Variants in NEBL observed in about 807,000 individuals in gnomAD.
NEBL encodes the protein LIM and SH3 protein 2.
NEBL carries 122 observed loss-of-function variants against 140.2 expected under a neutral mutation model. That is an observed-to-expected ratio of 0.87 (90% CI 0.75 to 1.01). The LOEUF (loss-of-function observed/expected upper bound fraction) is 1.01. Among genes scored for constraint, NEBL ranks in the 50% least tolerant of loss-of-function variants. NEBL has a pLI of 0.00. For synonymous variants in NEBL, 436 were observed against 398.9 expected (o/e 1.09, Z -1.11); for missense variants, 1,365 against 1,231.3 (o/e 1.11, Z -1.62).
intron 3 of NEBL, among the ~76,000 whole-genome samples, chr10:21,229,431 G>T (rs1401720321): frequency 2.0e-5 from 3 of 152,018 alleles, no homozygotes; most frequent in Non-Finnish European, 2.9e-5. Flanking sequence ...AGAAAAAAGT[G>T]GGGGAGGGAA....
At chr10:20,873,201 G>C (rs1845154263) in intron 5 of NEBL, among the ~76,000 whole-genome samples, 1 of 152,194 alleles carries the variant, frequency 6.6e-6, no homozygotes, top group South Asian at 2.1e-4. Flanking sequence ...AGTTCAAAGT[G>C]TGTGTATACA....
chr10:20,863,576 A>G (rs1017332708), intron 7 of NEBL, among the ~76,000 whole-genome samples: 6 of 152,130 alleles, frequency 3.9e-5, no homozygotes, highest in African/African-American at 1.2e-4. Flanking sequence ...ACACAACACA[A>G]TATCTCTGCT....
intron 3 of NEBL, among the ~76,000 whole-genome samples, chr10:21,187,616 C>T (rs1196037135): frequency 2.0e-5 from 3 of 152,008 alleles, no homozygotes; most frequent in South Asian, 4.2e-4. Flanking sequence ...CAGGCTCAAG[C>T]GATTCTCCCA....
At chr10:21,135,017 C>A (rs887653679) in intron 2 of NEBL, among the ~76,000 whole-genome samples, 1 of 152,202 alleles carries the variant, frequency 6.6e-6, no homozygotes, top group Non-Finnish European at 1.5e-5. Context: ...ACCCGCTCCA[C>A]CCTCCATCGA....
intron 2 of NEBL, among the ~76,000 whole-genome samples, chr10:21,088,502 C>T (rs1348278722): frequency 2.0e-5 from 3 of 152,156 alleles, no homozygotes; most frequent in Non-Finnish European, 4.4e-5. Context: ...CAAAACAAAA[C>T]CTTCTGCCCA....
chr10:21,045,793 A>C (rs2131841236), intron 2 of NEBL, among the ~76,000 whole-genome samples: 1 of 152,354 alleles, frequency 6.6e-6, no homozygotes, highest in African/African-American at 2.4e-5. Flanking sequence ...CATTATGGAA[A>C]ACAGCATGGA....
intron 1 of NEBL, among the ~76,000 whole-genome samples, chr10:21,257,713 A>G (rs1048901850): frequency 1.3e-5 from 2 of 152,026 alleles, no homozygotes; most frequent in Non-Finnish European, 2.9e-5. Flanking sequence ...GTGAAACCCC[A>G]TCTCTACTAA....
chr10:20,912,901 T>TTTA (rs1728285257), intron 4 of NEBL, among the ~76,000 whole-genome samples: 1 of 150,184 alleles, frequency 6.7e-6, no homozygotes, highest in Admixed American at 6.6e-5. Context: ...TTTTTTTTTT[T>TTTA]AGACAGAGTC....
intron 3 of NEBL, among the ~76,000 whole-genome samples, chr10:21,216,045 G>T (rs968119007): frequency 6.6e-6 from 1 of 152,098 alleles, no homozygotes; most frequent in African/African-American, 2.4e-5. Flanking sequence ...TCCTAAGACA[G>T]GTTCACATCA....
intron 26 of NEBL, among the ~76,000 whole-genome samples, chr10:20,801,944 A>G (rs1440652817): frequency 6.6e-6 from 1 of 152,168 alleles, no homozygotes; most frequent in African/African-American, 2.4e-5. Context: ...AGACTCTCTC[A>G]CAGCAAAATG....
chr10:20,843,124 G>A (rs775093634), intron 12 of NEBL, among the ~76,000 whole-genome samples: 4 of 152,070 alleles, frequency 2.6e-5, no homozygotes, highest in Admixed American at 2.6e-4. Flanking sequence ...GGGATTGTGA[G>A]AGTGGGACTC....
intron 3 of NEBL, among the ~76,000 whole-genome samples, chr10:21,209,111 T>A (rs932543833): frequency 1.3e-5 from 2 of 152,202 alleles, no homozygotes; most frequent in Non-Finnish European, 2.9e-5. Flanking sequence ...AGTTGCAAGA[T>A]GGTGCCAGGT....
At chr10:20,997,470 GTAAAAAAAAAAAAAAAAAA>G (rs1837713334) in intron 3 of NEBL, among the ~76,000 whole-genome samples, 1 of 27,452 alleles carries the variant, frequency 3.6e-5, no homozygotes, top group African/African-American at 1.3e-4. Context: ...CACAGTCTCA[GTAAAAAAAAAAAAAAAAAA>G]AAAAAAAAAA....
At chr10:21,121,705 C>T (rs902284418) in intron 2 of NEBL, among the ~76,000 whole-genome samples, 12 of 152,124 alleles carry the variant, frequency 7.9e-5, no homozygotes, top group African/African-American at 1.7e-4. Flanking sequence ...ATGCCATCTC[C>T]GTTTAAATGT....
At chr10:20,855,775 T>A (rs1380789526) in intron 9 of NEBL, among the ~76,000 whole-genome samples, 1 of 152,206 alleles carries the variant, frequency 6.6e-6, no homozygotes, top group Non-Finnish European at 1.5e-5. Flanking sequence ...GGCACTCATA[T>A]CACTCTTTAG....
intron 2 of NEBL, among the ~76,000 whole-genome samples, chr10:21,040,797 C>T (rs1834236362): frequency 6.6e-6 from 1 of 152,140 alleles, no homozygotes; most frequent in African/African-American, 2.4e-5. Flanking sequence ...TTCTCCCTTG[C>T]TTTTCTTGTG....
At chr10:21,128,727 T>A (rs1450086336) in intron 2 of NEBL, among the ~76,000 whole-genome samples, 1 of 152,120 alleles carries the variant, frequency 6.6e-6, no homozygotes, top group Non-Finnish European at 1.5e-5. Flanking sequence ...TCTCAACTTA[T>A]CCCGTAATTG....
At chr10:21,184,729 T>C (rs1480720688) in intron 3 of NEBL, among the ~76,000 whole-genome samples, 3 of 152,322 alleles carry the variant, frequency 2.0e-5, no homozygotes, top group East Asian at 3.9e-4. Flanking sequence ...TAAAACATAA[T>C]GTTAAATAGA....
intron 3 of NEBL, among the ~76,000 whole-genome samples, chr10:21,233,837 GGATATATATTA>G (rs1564547085): frequency 4.2e-5 from 5 of 117,894 alleles, no homozygotes. Context: ...GCATATATAT[GGATATATATTA>G]CATATATAGA....
Sources: allele counts gnomAD v4.1 joint callset (sites outside exome capture counted in the v4.1 genomes callset), GRCh38; gene constraint gnomAD v4.1.1; transcripts MANE v1.5; gene names NCBI Gene and HGNC (gene_info 2026-07-23, HGNC 2026-07-21).